CDH18: variants seen among roughly 807,000 people sequenced by gnomAD.
CDH18 encodes the protein cadherin-18.
A neutral mutation model predicts 67.9 loss-of-function variants in CDH18; 31 were observed. The observed-to-expected ratio is 0.46, with a 90% CI of 0.34 to 0.62. CDH18 has a LOEUF of 0.62. Among genes scored for constraint, CDH18 ranks in the 20% least tolerant of loss-of-function variants. The pLI is 0.01. For missense variants in CDH18, 890 were observed against 975.5 expected, an observed-to-expected ratio of 0.91 and a Z score of 1.17; for synonymous variants, 362 against 347.2, an observed-to-expected ratio of 1.04 and a Z score of -0.48.
At position 20,045,189 on chromosome 5, in the gene CDH18, T is replaced by C. The variant is rs779273765; in HGVS notation, c.-517-53175A>G. On this transcript the variant is annotated intron_variant, in intron 2 of 14. Coordinates refer to the CDH18 transcript ENST00000507958. ...TAAGTTGATACAACTTTATAAACAT[T>C]TAAAGAATAGCCTTAATAAAACATT... is the stretch of plus-strand genomic sequence containing the variant. Among the ~76,000 whole-genome samples, 5 of 152,272 alleles carry C rather than the reference T, an allele frequency of 3.3e-5. No homozygotes were observed. In the East Asian group the frequency reaches 7.7e-4, roughly 23 times the overall value.
chr5:20,285,380 C>CATATA (rs55913504), intron 1 of CDH18, among the ~76,000 whole-genome samples: 11,622 of 140,204 alleles, frequency 0.083, 501 homozygotes, highest in African/African-American at 0.1. Context: ...GTAATATGGC[C>CATATA]ATATAATATA....
At chr5:20,483,903 T>C (rs901139403) in intron 1 of CDH18, among the ~76,000 whole-genome samples, 1 of 151,734 alleles carries the variant, frequency 6.6e-6, no homozygotes, top group Admixed American at 6.6e-5. Context: ...CCCACAAGCA[T>C]AGGCAACAAA....
At chr5:20,542,640 G>C (rs927295225) in intron 1 of CDH18, among the ~76,000 whole-genome samples, 1 of 151,616 alleles carries the variant, frequency 6.6e-6, no homozygotes, top group Non-Finnish European at 1.5e-5. Context: ...TATATATGTG[G>C]TAGGATAAAA....
At chr5:19,974,112 G>A (rs1291043549) in intron 2 of CDH18, among the ~76,000 whole-genome samples, 1 of 152,034 alleles carries the variant, frequency 6.6e-6, no homozygotes, top group Admixed American at 6.6e-5. Context: ...AGAACATATA[G>A]GATCTGACAG....
At chr5:19,809,974 T>C (rs766923232) in intron 3 of CDH18, among the ~76,000 whole-genome samples, 1 of 151,698 alleles carries the variant, frequency 6.6e-6, no homozygotes, top group Non-Finnish European at 1.5e-5. Context: ...ACACGGAAAA[T>C]AGAAAACTTG....
intron 2 of CDH18, among the ~76,000 whole-genome samples, chr5:20,156,490 C>A (rs925234147): frequency 6.6e-6 from 1 of 152,084 alleles, no homozygotes; most frequent in South Asian, 2.1e-4. Context: ...AGTCAAATAC[C>A]GTATGTTCTC....
chr5:20,373,379 T>C (rs1289004057), intron 1 of CDH18, among the ~76,000 whole-genome samples: 1 of 152,104 alleles, frequency 6.6e-6, no homozygotes, highest in African/African-American at 2.4e-5. Context: ...TGGAATGTTT[T>C]AAAAATTCCC....
intron 1 of CDH18, among the ~76,000 whole-genome samples, chr5:20,510,414 C>T (rs1754959945): frequency 6.6e-6 from 1 of 152,076 alleles, no homozygotes; most frequent in African/African-American, 2.4e-5. Flanking sequence ...TTTATGTAAC[C>T]TCATTTGACT....
chr5:19,743,221 TA>T (rs1433254178), intron 4 of CDH18, among the ~76,000 whole-genome samples: 1 of 152,156 alleles, frequency 6.6e-6, no homozygotes, highest in Non-Finnish European at 1.5e-5. Context: ...CATATATTTG[TA>T]ACAAACGCTA....
intron 1 of CDH18, among the ~76,000 whole-genome samples, chr5:20,327,092 T>TA (rs1390497285): frequency 1.3e-5 from 2 of 152,176 alleles, no homozygotes; most frequent in Non-Finnish European, 2.9e-5. Flanking sequence ...CAGGGAGCTA[T>TA]AACTATGTAT....
At chr5:20,171,911 G>A (rs897415719) in intron 2 of CDH18, among the ~76,000 whole-genome samples, 1 of 150,956 alleles carries the variant, frequency 6.6e-6, no homozygotes, top group Admixed American at 6.6e-5. Context: ...ATGGTGTAAG[G>A]AAAGGGTCCA....
chr5:19,957,884 T>C (rs1358916767), intron 2 of CDH18, among the ~76,000 whole-genome samples: 1 of 152,046 alleles, frequency 6.6e-6, no homozygotes, highest in African/African-American at 2.4e-5. Context: ...AAAAATGTAA[T>C]ATGTAGATAA....
chr5:20,102,213 G>A (rs918660956), intron 2 of CDH18, among the ~76,000 whole-genome samples: 2 of 94,216 alleles, frequency 2.1e-5, no homozygotes, highest in East Asian at 6.8e-4. Context: ...AGTGTTATGT[G>A]CAGTGTGTGT....
chr5:20,353,337 A>G (rs1182584229), intron 1 of CDH18, among the ~76,000 whole-genome samples: 1 of 152,212 alleles, frequency 6.6e-6, no homozygotes, highest in Admixed American at 6.5e-5. Flanking sequence ...GCTTTTCAAT[A>G]AGACAAATAG....
intron 2 of CDH18, among the ~76,000 whole-genome samples, chr5:20,021,506 T>G (rs980011721): frequency 3.3e-5 from 5 of 152,136 alleles, no homozygotes; most frequent in African/African-American, 1.2e-4. Flanking sequence ...GGGAATGGAT[T>G]TCCCCCTTGC....
At chr5:20,290,514 T>C (rs1049540200) in intron 1 of CDH18, among the ~76,000 whole-genome samples, 5 of 152,084 alleles carry the variant, frequency 3.3e-5, no homozygotes, top group African/African-American at 4.8e-5. Flanking sequence ...ATCCCTACCT[T>C]TGCATACCTC....
chr5:20,356,422 C>T (rs1226949566), intron 1 of CDH18, among the ~76,000 whole-genome samples: 1 of 151,924 alleles, frequency 6.6e-6, no homozygotes, highest in Non-Finnish European at 1.5e-5. Flanking sequence ...AAAAAACACT[C>T]CCACCAAAGG....
intron 1 of CDH18, among the ~76,000 whole-genome samples, chr5:20,309,417 G>T (rs1174858167): frequency 6.6e-6 from 1 of 151,826 alleles, no homozygotes; most frequent in East Asian, 1.9e-4. Flanking sequence ...AAATTTAATT[G>T]GTCCTCTTGG....
At chr5:20,442,460 G>C (rs1298287119) in intron 1 of CDH18, among the ~76,000 whole-genome samples, 1 of 151,872 alleles carries the variant, frequency 6.6e-6, no homozygotes, top group East Asian at 1.9e-4. Flanking sequence ...CTCAAACATG[G>C]AATTATTTGT....
Sources: gnomAD v4.1 joint callset for allele counts (sites outside exome capture counted in the v4.1 genomes callset) on GRCh38, gnomAD v4.1.1 for gene constraint, MANE v1.5 for transcripts, NCBI Gene and HGNC (gene_info 2026-07-23, HGNC 2026-07-21) for gene names.